Variants in MUCL1 observed in about 807,000 individuals in gnomAD.
MUCL1 encodes mucin-like protein 1.
A neutral mutation model predicts 9.2 loss-of-function variants in MUCL1; 11 were observed. That is an observed-to-expected ratio of 1.19 (90% confidence interval 0.75 to 1.97). The LOEUF is 1.97. MUCL1 is among the 30% of genes most tolerant of loss of function. The pLI, the probability that MUCL1 is intolerant of heterozygous loss-of-function variation, is 0.00. For missense variants in MUCL1, 144 were observed against 110.9 expected, an observed-to-expected ratio of 1.30 and a Z score of -1.34; for synonymous variants, 48 against 40.5, an observed-to-expected ratio of 1.19 and a Z score of -0.71.
At chr12:54,842,619 A>C (rs377562529) in intron 1 of MUCL1, among the ~76,000 whole-genome samples, 123 of 152,144 alleles carry the variant, frequency 8.1e-4, no homozygotes, top group African/African-American at 2.9e-3. Flanking sequence ...AGATCCTTGA[A>C]CTTATTCTTC....
chr12:54,841,078 A>G (rs1013813897), intron 1 of MUCL1, among the ~76,000 whole-genome samples: 5 of 152,210 alleles, frequency 3.3e-5, no homozygotes, highest in African/African-American at 7.2e-5. Flanking sequence ...AAGTGAGATC[A>G]TGTAATATTT....
intron 1 of MUCL1, among the ~76,000 whole-genome samples, chr12:54,841,835 G>T (rs2135941296): frequency 6.6e-6 from 1 of 151,666 alleles, no homozygotes; most frequent in East Asian, 1.9e-4. Context: ...ATTTATTTTT[G>T]CTTTTGTTGC....
At chr12:54,855,432 T>C in intron 2 of MUCL1, 1 of 385,916 alleles carries the variant, frequency 2.6e-6, no homozygotes, top group Non-Finnish European at 4.8e-6. Context: ...CACAAGAGCA[T>C]GAGGTCTGAT....
intron 1 of MUCL1, among the ~76,000 whole-genome samples, chr12:54,831,599 T>C (rs1959185509): frequency 6.6e-6 from 1 of 152,084 alleles, no homozygotes; most frequent in Admixed American, 6.5e-5. Flanking sequence ...AAACCTTAAG[T>C]TATACTAAGT....
Position 54,856,907 on chromosome 12 carries a change from C to T in MUCL1, c.223+15C>T, listed in dbSNP as rs1460576325. The T allele has an allele frequency of 6.2e-7, 1 of 1,613,530 alleles. No homozygotes were observed. Among genetic ancestry groups the T allele is most frequent in the Non-Finnish European group, 8.5e-7 (1 of 1,179,724 alleles). ...AGACATTCCAGGTAGCAAGACTCCT[C>T]CATCTGTGTGCTTCCTTTATGTGGC... On this transcript the variant is annotated intron_variant, in intron 3 of 3. Coordinates refer to ENST00000308796, the MANE Select transcript of MUCL1 (RefSeq NM_058173.3).
At position 54,847,200 on chromosome 12, in the gene MUCL1, GA is replaced by G. The variant is rs1233445072; in HGVS notation, c.43+7755del. On this transcript the variant is annotated intron_variant, in intron 1 of 3. Transcript: ENST00000546809. ...CCTCTAGTTAACTCTCATGTATCAA[GA>G]AGTAACCGAGTGCCGGGCACTCTTC... Among the ~76,000 whole-genome samples, 8 of 152,250 alleles carry G rather than the reference GA, an allele frequency of 5.3e-5. No individual in the cohort carries two copies. In the East Asian group the frequency reaches 1.5e-3, roughly 29 times the overall value.
upstream of MUCL1, chr12:54,839,244 G>A: frequency 1.6e-6 from 1 of 630,730 alleles, no homozygotes; most frequent in Non-Finnish European, 2.9e-6. Flanking sequence ...CTCAGCTACT[G>A]GTTGTAGTAC....
At chr12:54,856,972 A>AT in intron 3 of MUCL1, 80 bp downstream of exon 3, 1 of 1,591,340 alleles carries the variant, frequency 6.3e-7, no homozygotes, top group Non-Finnish European at 8.6e-7. Context: ...CAGAGACTCT[A>AT]TTTTTGAGGT....
At chr12:54,837,321 C>T (rs1176901387), upstream of MUCL1, among the ~76,000 whole-genome samples, 3 of 151,992 alleles carry the variant, frequency 2.0e-5, no homozygotes, top group Non-Finnish European at 4.4e-5. Context: ...GATCCTTTTC[C>T]CATTATATAA....
At chr12:54,842,488 C>T (rs983010506) in intron 1 of MUCL1, among the ~76,000 whole-genome samples, 2 of 152,052 alleles carry the variant, frequency 1.3e-5, no homozygotes, top group African/African-American at 4.8e-5. Context: ...ACCTCACATA[C>T]TTATCTTTTT....
chr12:54,841,620 G>T (rs1442957133), intron 1 of MUCL1, among the ~76,000 whole-genome samples: 4 of 152,094 alleles, frequency 2.6e-5, no homozygotes, highest in Non-Finnish European at 5.9e-5. Flanking sequence ...TCAAATCCTT[G>T]TTGGCTATGT....
At chr12:54,852,558 C>G (rs1868260244), upstream of MUCL1, among the ~76,000 whole-genome samples, 1 of 152,194 alleles carries the variant, frequency 6.6e-6, no homozygotes, top group African/African-American at 2.4e-5. Context: ...TTGTATCACA[C>G]TTTTCCTGTT....
At chr12:54,839,568 C>A (rs1959200601) in intron 1 of MUCL1, 2 of 691,826 alleles carry the variant, frequency 2.9e-6, no homozygotes, top group Admixed American at 2.0e-5. Flanking sequence ...GCAACCTCAT[C>A]CTCCTGTCAA....
At chr12:54,848,351 G>A (rs189794476) in intron 1 of MUCL1, among the ~76,000 whole-genome samples, 1 of 152,084 alleles carries the variant, frequency 6.6e-6, no homozygotes, top group East Asian at 1.9e-4. Context: ...AGTAAATTTG[G>A]GGATTAATAA....
intron 2 of MUCL1, chr12:54,855,388 G>A (rs1194034711): frequency 5.8e-6 from 3 of 516,350 alleles, no homozygotes; most frequent in Non-Finnish European, 1.1e-5. Context: ...TTATACAAAT[G>A]TGGACTTATT....
intron 2 of MUCL1, 134 bp downstream of exon 2, chr12:54,855,291 AT>A: frequency 1.4e-6 from 1 of 726,072 alleles, no homozygotes; most frequent in Admixed American, 2.4e-5. Context: ...TGAAAGCTAT[AT>A]TCCTGATTTT....
chr12:54,838,632 T>A (rs1959197382), upstream of MUCL1, among the ~76,000 whole-genome samples: 1 of 152,150 alleles, frequency 6.6e-6, no homozygotes, highest in Admixed American at 6.5e-5. Flanking sequence ...TCTTTTATTT[T>A]TTTTCTTTAT....
At chr12:54,843,997 G>A (rs1959228345) in intron 1 of MUCL1, among the ~76,000 whole-genome samples, 1 of 151,952 alleles carries the variant, frequency 6.6e-6, no homozygotes, top group Non-Finnish European at 1.5e-5. Flanking sequence ...TAACCTTTTT[G>A]TTTATCACTA....
intron 1 of MUCL1, among the ~76,000 whole-genome samples, chr12:54,847,645 A>G (rs994590277): frequency 1.3e-5 from 2 of 152,172 alleles, no homozygotes; most frequent in African/African-American, 2.4e-5. Context: ...ACAAAACACA[A>G]AAAGCAAAGA....
Sources: allele counts gnomAD v4.1 joint callset (sites outside exome capture counted in the v4.1 genomes callset), GRCh38; gene constraint gnomAD v4.1.1; transcripts MANE v1.5; gene names NCBI Gene and HGNC (gene_info 2026-07-23, HGNC 2026-07-21).